CNTNAP3B: variants seen among roughly 807,000 people sequenced by gnomAD.
CNTNAP3B encodes contactin-associated protein-like 3B.
A neutral mutation model predicts 108.9 loss-of-function variants in CNTNAP3B; 25 were observed. The ratio of observed to expected loss-of-function variants is 0.23; its 90% CI spans 0.17 to 0.32. The LOEUF is 0.32. Among genes scored for constraint, CNTNAP3B ranks in the 10% least tolerant of loss-of-function variants. The pLI is 1.00. For missense variants in CNTNAP3B, 252 were observed against 1,210.4 expected (o/e 0.21, Z 11.75); for synonymous variants, 103 against 473.4 (o/e 0.22, Z 10.16).
At chr9:42,120,942 G>C (rs1828448121) in intron 1 of CNTNAP3B, among the ~76,000 whole-genome samples, 2 of 138,232 alleles carry the variant, frequency 1.4e-5, no homozygotes, top group South Asian at 4.7e-4. Context: ...TGCACGTTGT[G>C]CACATGTACC....
intron 13 of CNTNAP3B, among the ~76,000 whole-genome samples, chr9:41,940,525 T>G (rs1208818130): frequency 1.3e-5 from 2 of 152,186 alleles, no homozygotes; most frequent in South Asian, 2.1e-4. Flanking sequence ...AAAATGGAAA[T>G]AAAATCTTTT....
rs1310312507 is a variant in CNTNAP3B at position 42,119,352 on chromosome 9, A to G, written c.85+9658T>C. 3.2e-4 allele frequency among the ~76,000 whole-genome samples: 42 copies of G among 132,844 alleles called. 7 individuals are homozygous for G. The highest frequency in any genetic ancestry group is 6.0e-4 in the Non-Finnish European group (38 of 63,170). The allele number at this position is 132,844 out of a possible 152,430, so 87.2% of individuals were successfully genotyped here. A position where few individuals can be genotyped will look rare whatever the true frequency, so the allele number is the denominator to read the frequency against. On this transcript the variant is annotated intron_variant, in intron 1 of 23. Coordinates refer to ENST00000377561, the MANE Select transcript of CNTNAP3B (RefSeq NM_001201380.3). ...AGAGGATACAAACAAATGGAAGAAC[A>G]TTCCATGCTCATGGGTAGGAAGAAT...
chr9:41,969,188 A>G (rs1825370527), intron 10 of CNTNAP3B, among the ~76,000 whole-genome samples: 1 of 151,870 alleles, frequency 6.6e-6, no homozygotes, highest in East Asian at 1.9e-4. Flanking sequence ...ATGTAGAAAT[A>G]TTATTTTTCC....
At chr9:41,930,572 C>A (rs1823948192) in intron 14 of CNTNAP3B, among the ~76,000 whole-genome samples, 1 of 151,670 alleles carries the variant, frequency 6.6e-6, no homozygotes, top group Non-Finnish European at 1.5e-5. Context: ...CAAAAAACCC[C>A]AAACACTCAG....
chr9:41,966,607 C>T (rs1251607768), intron 10 of CNTNAP3B, among the ~76,000 whole-genome samples: 1 of 152,272 alleles, frequency 6.6e-6, no homozygotes, highest in African/African-American at 2.4e-5. Context: ...GGAAGCTCTG[C>T]CATGTGGTAT....
Position 42,094,108 on chromosome 9 carries a change from T to C in CNTNAP3B, c.196+10521A>G, listed in dbSNP as rs573494190. Among the ~76,000 whole-genome samples the C allele has an allele frequency of 7.2e-5, 10 of 137,942 alleles. 1 individual carries two copies. The East Asian group carries it at 1.6e-3, about 21-fold the overall frequency. The allele number at this position is 137,942 out of a possible 152,430, so 90.5% of individuals were successfully genotyped here. A position where few individuals can be genotyped will look rare whatever the true frequency, so the allele number is the denominator to read the frequency against. The stretch of plus-strand genomic sequence containing the variant: ...TTATCCCTAATCACTAAGGATAAGA[T>C]AGCACCCTTCCTTCAAGGAAGTTAG... On this transcript the variant is annotated intron_variant, in intron 2 of 23. Coordinates refer to ENST00000377561, the MANE Select transcript of CNTNAP3B (RefSeq NM_001201380.3).
Position 41,953,259 on chromosome 9 carries a change from G to GGCCCGCAGCTGCCCCGC in CNTNAP3B, c.1987_2003dup (p.Ala669ArgfsTer8). On this transcript the variant is annotated frameshift_variant, in exon 13 of 24. Coordinates refer to ENST00000377561, the MANE Select transcript of CNTNAP3B (RefSeq NM_001201380.3). LOFTEE classifies it high-confidence loss of function. Reference sequence around the variant, plus strand: ...CGCAGCGCTCCGCCAGGTTCACCGCGGCCCGCAGCTGCCCCGCGCCCGCTG... The same window carrying GGCCCGCAGCTGCCCCGC: ...CGCAGCGCTCCGCCAGGTTCACCGCGGCCCGCAGCTGCCCCGCGCCCGCAGCTGCCCCGCGCCCGCTG... 1 of 1,525,990 alleles carries GGCCCGCAGCTGCCCCGC rather than the reference G, an allele frequency of 6.6e-7. No homozygotes were observed. The highest frequency in any genetic ancestry group is 1.4e-5 in the African/African-American group (1 of 71,688). 94.5% of individuals were successfully genotyped at this position (1,525,990 alleles called of 1,614,324 possible).
At chr9:41,939,153 G>T (rs1386034616) in intron 13 of CNTNAP3B, among the ~76,000 whole-genome samples, 1 of 152,296 alleles carries the variant, frequency 6.6e-6, no homozygotes, top group African/African-American at 2.4e-5. Flanking sequence ...GAAGATTGGG[G>T]TGATGGACTG....
At chr9:41,954,268 T>C (rs1481014980) in intron 12 of CNTNAP3B, among the ~76,000 whole-genome samples, 1 of 152,272 alleles carries the variant, frequency 6.6e-6, no homozygotes, top group Admixed American at 6.5e-5. Context: ...AACAAAACAA[T>C]GTGATACATT....
intron 1 of CNTNAP3B, among the ~76,000 whole-genome samples, chr9:42,117,697 G>A (rs1260279317): frequency 1.5e-5 from 2 of 135,480 alleles, no homozygotes; most frequent in Non-Finnish European, 3.1e-5. Context: ...GAAGGAAATA[G>A]AGACACAAAA....
At chr9:41,916,416 A>G (rs1823518417) in intron 18 of CNTNAP3B, among the ~76,000 whole-genome samples, 1 of 151,528 alleles carries the variant, frequency 6.6e-6, no homozygotes, top group Non-Finnish European at 1.5e-5. Context: ...TACATTTATT[A>G]GTGCTATTTG....
intron 14 of CNTNAP3B, among the ~76,000 whole-genome samples, chr9:41,932,799 T>G (rs1187486721): frequency 6.6e-6 from 1 of 152,182 alleles, no homozygotes; most frequent in Non-Finnish European, 1.5e-5. Flanking sequence ...ATAACAGGTG[T>G]GAGCCACCGC....
At position 42,124,868 on chromosome 9, in the gene CNTNAP3B, T is replaced by C. The variant is rs1311303163; in HGVS notation, c.85+4142A>G. ...AATGAACTGTTATTTCTCATAATTG[T>C]TTTTTTTTCAGCCTCTTTATTTTTA... On this transcript the variant is annotated intron_variant, in intron 1 of 23. Coordinates refer to ENST00000377561, the MANE Select transcript of CNTNAP3B (RefSeq NM_001201380.3). Among the ~76,000 whole-genome samples the C allele has an allele frequency of 1.5e-5, 2 of 134,982 alleles. 1 individual carries two copies. The highest frequency in any genetic ancestry group is 6.0e-5 in the African/African-American group (2 of 33,284). The allele number at this position is 134,982 out of a possible 152,430, so 88.6% of individuals were successfully genotyped here.
chr9:41,966,946 G>A (rs62556393), intron 10 of CNTNAP3B, among the ~76,000 whole-genome samples: 17,592 of 148,700 alleles, frequency 0.12, 6 homozygotes, highest in Middle Eastern at 0.25. Flanking sequence ...CAGCCTGGGC[G>A]ATAGAGCGAG....
In CNTNAP3B at chr9:42,086,507, C is replaced by T. The variant is rs1313597266; in HGVS notation, c.197-9445G>A. Among the ~76,000 whole-genome samples, 82 of 135,766 alleles carry T rather than the reference C, an allele frequency of 6.0e-4. 1 individual carries two copies. Among genetic ancestry groups the T allele is most frequent in the African/African-American group, 2.4e-3 (81 of 33,968 alleles). 89.1% of individuals were successfully genotyped at this position (135,766 alleles called of 152,430 possible). A position where few individuals can be genotyped will look rare whatever the true frequency, so the allele number is the denominator to read the frequency against. On this transcript the variant is annotated intron_variant, in intron 2 of 23. Coordinates refer to ENST00000377561, the MANE Select transcript of CNTNAP3B (RefSeq NM_001201380.3). ...CTGTTGCCCAGGCCAAGATTCAATG[C>T]AATCTCAGCTCACTGCAACCTCCAC...
chr9:41,935,553 T>C (rs1009314272), intron 14 of CNTNAP3B, among the ~76,000 whole-genome samples: 1 of 152,288 alleles, frequency 6.6e-6, no homozygotes, highest in African/African-American at 2.4e-5. Flanking sequence ...GTAAATTCCA[T>C]TTTTATAAAC....
At chr9:41,922,556 A>T (rs1169777819) in intron 17 of CNTNAP3B, 121 bp downstream of exon 17, 2 of 1,509,150 alleles carry the variant, frequency 1.3e-6, no homozygotes, top group African/African-American at 1.4e-5. Flanking sequence ...GGTTATCAGC[A>T]AATAGTACCA....
intron 13 of CNTNAP3B, among the ~76,000 whole-genome samples, chr9:41,938,919 C>T (rs1424905289): frequency 6.6e-6 from 1 of 152,192 alleles, no homozygotes; most frequent in Non-Finnish European, 1.5e-5. Flanking sequence ...CATTGGATGT[C>T]CTGACTCTTT....
At chr9:41,937,141 A>G (rs1401943740) in intron 14 of CNTNAP3B, among the ~76,000 whole-genome samples, 1 of 149,470 alleles carries the variant, frequency 6.7e-6, no homozygotes, top group African/African-American at 2.5e-5. Flanking sequence ...TATTATTATT[A>G]TTTTGAGGTG....
Sources: allele counts gnomAD v4.1 joint callset (sites outside exome capture counted in the v4.1 genomes callset), GRCh38; gene constraint gnomAD v4.1.1; transcripts MANE v1.5; gene names NCBI Gene and HGNC (gene_info 2026-07-23, HGNC 2026-07-21).